The following SLC5A12 variants were observed in gnomAD, a reference collection of about 807,000 sequenced individuals.
SLC5A12 encodes sodium-coupled monocarboxylate transporter 2.
Under a neutral mutation model 72.7 loss-of-function variants are expected in SLC5A12, and 46 were observed. The observed-to-expected ratio is 0.63, with a 90% CI of 0.50 to 0.81. The LOEUF (loss-of-function observed/expected upper bound fraction) is 0.81. Among genes scored for constraint, SLC5A12 ranks in the 30% least tolerant of loss-of-function variants. SLC5A12 has a pLI of 0.00. For synonymous variants in SLC5A12, 275 were observed against 264.4 expected (o/e 1.04, Z -0.39); for missense variants, 683 against 740.7 (o/e 0.92, Z 0.90).
chr11:26,721,421 G>A lies in SLC5A12; in HGVS notation c.294C>T (p.Leu98=). The part of the protein sequence containing the change: ...YLFVILLTSE[L]FLPVFYRSGI... ...CAGATCTGTAGAACACAGGGAGAAA[G>A]AGCTCTGATGTTAAGAGGATGACAA... Residue 98 remains leucine (L), a synonymous_variant, in exon 1 of 15, where the codon CTC becomes CTT. Coordinates refer to ENST00000396005, the MANE Select transcript of SLC5A12 (RefSeq NM_178498.4). 6.2e-7 allele frequency: 1 copy of A among 1,614,118 alleles called. No homozygotes were observed. Among genetic ancestry groups the A allele is most frequent in the Non-Finnish European group, 8.5e-7 (1 of 1,180,012 alleles).
chr11:26,692,459 T>C (rs1214115150), intron 9 of SLC5A12, 30 bp downstream of exon 9: 1 of 1,426,080 alleles, frequency 7.0e-7, no homozygotes, highest in Non-Finnish European at 9.9e-7. Flanking sequence ...TTTCATGATA[T>C]GGAATAGAAA....
At chr11:26,680,278 C>T (rs1183665761) in intron 12 of SLC5A12, among the ~76,000 whole-genome samples, 2 of 69,126 alleles carry the variant, frequency 2.9e-5, no homozygotes, top group Non-Finnish European at 6.7e-5. Context: ...ACGTGTAGTG[C>T]TACTTTATAT....
Position 26,690,554 on chromosome 11 carries a change from T to C in SLC5A12, c.1153+1935A>G, listed in dbSNP as rs906246477. On this transcript the variant is annotated intron_variant, in intron 9 of 14. Coordinates refer to ENST00000396005, the MANE Select transcript of SLC5A12 (RefSeq NM_178498.4). ...GGCCTGGCGCAGTGGCTCACACCTG[T>C]AATTCTAGCACTTTGGGAGGCCAAG... is the stretch of plus-strand genomic sequence containing the variant. Among the ~76,000 whole-genome samples, 4 of 150,748 alleles carry C rather than the reference T, an allele frequency of 2.7e-5. No homozygotes were observed. In the East Asian group the frequency reaches 7.8e-4, roughly 29 times the overall value.
intron 13 of SLC5A12, among the ~76,000 whole-genome samples, chr11:26,675,050 G>C (rs2133132758): frequency 6.6e-6 from 1 of 152,280 alleles, no homozygotes; most frequent in South Asian, 2.1e-4. Context: ...GGCTGAGGAG[G>C]AGTTGCAAAA....
At chr11:26,718,203 A>G (rs1412933461) in intron 1 of SLC5A12, among the ~76,000 whole-genome samples, 2 of 152,206 alleles carry the variant, frequency 1.3e-5, no homozygotes, top group Non-Finnish European at 2.9e-5. Flanking sequence ...TGAAGATAGC[A>G]ACAACAATGA....
At chr11:26,678,625 T>C in intron 13 of SLC5A12, 87 bp downstream of exon 13, 1 of 964,312 alleles carries the variant, frequency 1.0e-6, no homozygotes, top group South Asian at 1.6e-5. Context: ...AAACGTGAAT[T>C]CAAAGCAATA....
chr11:26,712,735 C>A, intron 1 of SLC5A12, 29 bp from the exon 2 acceptor site: 2 of 1,546,632 alleles, frequency 1.3e-6, no homozygotes, highest in South Asian at 2.4e-5. Flanking sequence ...CATGCAGAGT[C>A]AGTGAGGTTT....
At chr11:26,684,562 T>C (rs545509273) in intron 10 of SLC5A12, among the ~76,000 whole-genome samples, 1 of 152,260 alleles carries the variant, frequency 6.6e-6, no homozygotes, top group South Asian at 2.1e-4. Context: ...TTTCATTTCT[T>C]GCCTATCAAC....
At position 26,669,926 on chromosome 11, in the gene SLC5A12, A is replaced by G. The variant is rs1303263602; in HGVS notation, c.*1176T>C. ...TTTGTTTCTTATTATCTGTCCTCTG[A>G]CTTGGCCCCTGTGACATACTGGTTC... On this transcript the variant is annotated 3_prime_UTR_variant, in exon 15 of 15. Transcript: ENST00000396005. 1 of 152,042 alleles carries G rather than the reference A, an allele frequency of 6.6e-6. No homozygotes were observed. The highest frequency in any genetic ancestry group is 1.5e-5 in the Non-Finnish European group (1 of 67,986). The allele number at this position is 152,042 out of a possible 1,614,324, so 9.4% of individuals were successfully genotyped here.
At position 26,678,728 on chromosome 11, in the gene SLC5A12, G is replaced by T. The variant is rs756316327; in HGVS notation, c.1563C>A (p.Ile521=). Residue 521 remains isoleucine (I), a synonymous_variant, in exon 13 of 15, where the codon ATC becomes ATA. Coordinates refer to ENST00000396005, the MANE Select transcript of SLC5A12 (RefSeq NM_178498.4). ...GCLGCIVAGV[I]ISLITGRQRG... ...ATAACCAACCTGTTATGAGGCTGAT[G>T]ATTACTCCAGCAACAATGCATCCTA... 1.6e-5 allele frequency: 25 copies of T among 1,612,528 alleles called. No homozygotes were observed. The highest frequency in any genetic ancestry group is 2.0e-5 in the Non-Finnish European group (24 of 1,179,168).
chr11:26,695,696 C>T (rs1854793481), intron 8 of SLC5A12, among the ~76,000 whole-genome samples: 1 of 152,168 alleles, frequency 6.6e-6, no homozygotes, highest in African/African-American at 2.4e-5. Context: ...ATCTTCCTGA[C>T]ACAGAAGACC....
intron 1 of SLC5A12, among the ~76,000 whole-genome samples, chr11:26,718,859 C>T (rs1855413973): frequency 1.3e-5 from 2 of 152,180 alleles, no homozygotes; most frequent in East Asian, 1.9e-4. Flanking sequence ...CCCAAAATAA[C>T]CTTATATCTA....
At position 26,721,436 on chromosome 11, in the gene SLC5A12, G is replaced by T; in HGVS notation, c.279C>A (p.Leu93=). Residue 93 remains leucine (L), a synonymous_variant, in exon 1 of 15, where the codon CTC becomes CTA. Transcript: ENST00000396005. ...VFFIAYLFVI[L]LTSELFLPVF... is the part of the protein sequence containing the mutation. ...CAGGGAGAAAGAGCTCTGATGTTAA[G>T]AGGATGACAAATAGGTAAGCAATGA... is the stretch of plus-strand genomic sequence containing the variant. 1 of 1,614,152 alleles carries T rather than the reference G, an allele frequency of 6.2e-7. No individual in the cohort carries two copies. Among genetic ancestry groups the T allele is most frequent in the Non-Finnish European group, 8.5e-7 (1 of 1,180,028 alleles).
intron 12 of SLC5A12, among the ~76,000 whole-genome samples, chr11:26,680,675 G>A (rs10767568): frequency 0.69 from 104,655 of 151,612 alleles, 36,282 homozygotes; most frequent in South Asian, 0.8. Flanking sequence ...GGTTCACAGC[G>A]GTGCTCCTAA....
In SLC5A12 at chr11:26,697,238, A is replaced by C; in HGVS notation, c.966T>G (p.Phe322Leu). 1.2e-6 allele frequency: 2 copies of C among 1,613,834 alleles called. No homozygotes were observed. The highest frequency in any genetic ancestry group is 1.7e-6 in the Non-Finnish European group (2 of 1,179,894). Residue 322 changes from phenylalanine to leucine, a missense_variant, in exon 8 of 15, where the codon TTT becomes TTG. Physicochemically the swap from Phe to Leu is conservative, Grantham distance 22. Coordinates refer to ENST00000396005, the MANE Select transcript of SLC5A12 (RefSeq NM_178498.4). ...GCATTGTGGCAAATATCTCCATGACAAAGTACGGCATCAGCTGAAGAGGAG... is the reference window on the plus strand; with the variant it reads ...GCATTGTGGCAAATATCTCCATGACCAAGTACGGCATCAGCTGAAGAGGAG... Reference protein sequence around the residue: ...ISAPDQLMPYFVMEIFATMPG... With the variant: ...ISAPDQLMPYLVMEIFATMPG...
At chr11:26,683,675 T>C (rs1182352972) in intron 11 of SLC5A12, 82 bp downstream of exon 11, 1 of 1,160,032 alleles carries the variant, frequency 8.6e-7, no homozygotes, top group Non-Finnish European at 1.3e-6. Context: ...AGATAGCTTT[T>C]CTAAACAGGG....
At position 26,670,999 on chromosome 11, in the gene SLC5A12, T is replaced by C; in HGVS notation, c.*103A>G. The C allele has an allele frequency of 1.9e-6, 2 of 1,036,026 alleles. No homozygotes were observed. The highest frequency in any genetic ancestry group is 4.9e-5 in the South Asian group (2 of 41,096). 64.2% of individuals were successfully genotyped at this position (1,036,026 alleles called of 1,614,324 possible). A position where few individuals can be genotyped will look rare whatever the true frequency, so the allele number is the denominator to read the frequency against. On this transcript the variant is annotated 3_prime_UTR_variant, in exon 15 of 15. Transcript: ENST00000396005. The stretch of plus-strand genomic sequence containing the variant: ...ACCAGACATCCCTGTCTTCTAGCAA[T>C]GGCAACTATACATATCTACTAACAA...
intron 10 of SLC5A12, 50 bp from the exon 11 acceptor site, chr11:26,683,893 G>C (rs368688953): frequency 2.3e-5 from 33 of 1,441,384 alleles, no homozygotes; most frequent in Non-Finnish European, 3.2e-5. Context: ...GGGCATCTGT[G>C]ACTTCCTGGC....
intron 13 of SLC5A12, among the ~76,000 whole-genome samples, chr11:26,678,321 C>T (rs1455316685): frequency 6.6e-6 from 1 of 151,946 alleles, no homozygotes; most frequent in Non-Finnish European, 1.5e-5. Context: ...TGTGTCAAAG[C>T]ATCTTTTTTT....
Sources: gnomAD v4.1 joint callset for allele counts (sites outside exome capture counted in the v4.1 genomes callset) on GRCh38, gnomAD v4.1.1 for gene constraint, MANE v1.5 for transcripts, NCBI Gene and HGNC (gene_info 2026-07-23, HGNC 2026-07-21) for gene names.